The following SLC35E4 variants were observed in gnomAD, a reference collection of about 807,000 sequenced individuals.
SLC35E4 encodes solute carrier family 35, member E4.
SLC35E4 carries 15 observed loss-of-function variants against 19.3 expected under a neutral mutation model. That is an observed-to-expected ratio of 0.78 (90% CI 0.52 to 1.20). The LOEUF is 1.20. SLC35E4 is among the 50% of genes most tolerant of loss of function. SLC35E4 has a pLI of 0.00. For synonymous variants in SLC35E4, 219 were observed against 219.9 expected (o/e 1.00, Z 0.04); for missense variants, 406 against 472.3 (o/e 0.86, Z 1.30).
chr22:30,654,595 GT>G, intron 2 of SLC35E4: 1 of 464,934 alleles, frequency 2.2e-6, no homozygotes, highest in African/African-American at 2.0e-5. Context: ...CCCGGAAGTG[GT>G]GGGGGCCCAG....
rs149279944 is a variant in SLC35E4 at position 30,641,969 on chromosome 22, G to T, written c.620-4629G>T. On this transcript the variant is annotated intron_variant, in intron 1 of 1. Coordinates refer to ENST00000343605, the MANE Select transcript of SLC35E4 (RefSeq NM_001001479.4). Reference sequence around the variant, plus strand: ...CCCCACTAACAGAGATAGGAGCCCTGCAGAGATGGGGAGGAACAGACTTGA... The same window carrying T: ...CCCCACTAACAGAGATAGGAGCCCTTCAGAGATGGGGAGGAACAGACTTGA... Among the ~76,000 whole-genome samples, 393 of 152,190 alleles carry T rather than the reference G, an allele frequency of 2.6e-3. 2 individuals are homozygous for T. Among genetic ancestry groups the T allele is most frequent in the African/African-American group, 9.1e-3 (379 of 41,526 alleles).
At chr22:30,650,964 T>C (rs1403252929), downstream of SLC35E4, among the ~76,000 whole-genome samples, 1 of 150,952 alleles carries the variant, frequency 6.6e-6, no homozygotes, top group Non-Finnish European at 1.5e-5. Flanking sequence ...TACCCTCCCC[T>C]GGTGGCCCTT....
At chr22:30,666,656 A>T (rs1481068188), downstream of SLC35E4, among the ~76,000 whole-genome samples, 2 of 146,568 alleles carry the variant, frequency 1.4e-5, no homozygotes, top group Non-Finnish European at 3.0e-5. Flanking sequence ...AGCAATCTCT[A>T]TCAGGCACTG....
At position 30,636,739 on chromosome 22, in the gene SLC35E4, G is replaced by C. The variant is rs1263271708; in HGVS notation, c.289G>C (p.Gly97Arg). 2.5e-6 allele frequency: 4 copies of C among 1,611,916 alleles called. No individual in the cohort carries two copies. Among genetic ancestry groups the C allele is most frequent in the Non-Finnish European group, 3.4e-6 (4 of 1,179,348 alleles). ...MLVAALACHR[G>R]ARRPMPGGTR... ...GGTGGCAGCCCTGGCATGCCACCGG[G>C]GGGCACGGCGCCCCATGCCAGGCGG... Residue 97 changes from glycine (G) to arginine (R), a missense_variant, in exon 1 of 2, where the codon GGG (glycine) becomes CGG (arginine). By Grantham distance (125) the Gly-to-Arg change is moderately radical. Transcript: ENST00000343605.
intron 1 of SLC35E4, among the ~76,000 whole-genome samples, chr22:30,639,683 C>T (rs541534320): frequency 6.6e-6 from 1 of 152,316 alleles, no homozygotes; most frequent in South Asian, 2.1e-4. Flanking sequence ...CTCCCATTTG[C>T]TTTTGAAAGA....
chr22:30,638,032 C>G (rs1254180065), intron 1 of SLC35E4, among the ~76,000 whole-genome samples: 2 of 152,110 alleles, frequency 1.3e-5, no homozygotes, highest in Admixed American at 6.6e-5. Context: ...CCAACTTTAT[C>G]CCCATTTTAC....
chr22:30,656,327 G>A (rs527353268), intron 2 of SLC35E4, among the ~76,000 whole-genome samples: 15 of 152,204 alleles, frequency 9.9e-5, no homozygotes, highest in African/African-American at 3.1e-4. Flanking sequence ...AGGGCTGTGT[G>A]CTTCAAGGTC....
intron 1 of SLC35E4, among the ~76,000 whole-genome samples, chr22:30,645,091 A>G (rs2088106274): frequency 6.6e-6 from 1 of 152,160 alleles, no homozygotes; most frequent in South Asian, 2.1e-4. Context: ...GAGGCAATGA[A>G]TGGGTCACAC....
chr22:30,646,830 C>T lies in SLC35E4; in HGVS notation c.852C>T (p.Val284=), dbSNP rs1186059068. Residue 284 remains valine (V), a synonymous_variant, in exon 2 of 2, where the codon GTC becomes GTT. Transcript: ENST00000343605. ...SLLALTSALT[V]HVLGNLTVVG... is the part of the protein sequence containing the mutation. ...TGGCCCTCACCTCTGCCCTCACCGT[C>T]CACGTCCTGGGCAACCTCACCGTGG... is the stretch of plus-strand genomic sequence containing the variant. 2 of 1,614,150 alleles carry T rather than the reference C, an allele frequency of 1.2e-6. No homozygotes were observed. Among genetic ancestry groups the T allele is most frequent in the African/African-American group, 2.7e-5 (2 of 74,956 alleles).
intron 1 of SLC35E4, among the ~76,000 whole-genome samples, chr22:30,644,661 T>C (rs1391152227): frequency 6.6e-6 from 1 of 152,094 alleles, no homozygotes; most frequent in Non-Finnish European, 1.5e-5. Flanking sequence ...GGAGGATCGC[T>C]TGAGCTCGGA....
At chr22:30,650,673 T>C (rs530913207), downstream of SLC35E4, among the ~76,000 whole-genome samples, 2 of 152,224 alleles carry the variant, frequency 1.3e-5, no homozygotes, top group Admixed American at 6.5e-5. Context: ...GGAGCTGTAA[T>C]GGACAAAGGC....
chr22:30,662,716 C>G (rs2088513458), exon 3 of SLC35E4: 1 of 151,978 alleles, frequency 6.6e-6, no homozygotes, highest in South Asian at 2.1e-4. Context: ...GTAGTCCCAG[C>G]CACGCAGGAG....
At chr22:30,664,084 C>T (rs914731081), downstream of SLC35E4, 6 of 1,363,744 alleles carry the variant, frequency 4.4e-6, no homozygotes, top group Admixed American at 2.2e-5. Context: ...TGGAAAACTG[C>T]AGAGAGGGAG....
chr22:30,660,815 C>A (rs1192917704), intron 2 of SLC35E4, among the ~76,000 whole-genome samples: 2 of 151,722 alleles, frequency 1.3e-5, no homozygotes, highest in Admixed American at 6.6e-5. Flanking sequence ...TGAGAAAAAA[C>A]CATGGAGGCC....
chr22:30,641,974 G>C (rs1320134257), intron 1 of SLC35E4, among the ~76,000 whole-genome samples: 1 of 152,064 alleles, frequency 6.6e-6, no homozygotes, highest in East Asian at 1.9e-4. Flanking sequence ...GCCCTGCAGA[G>C]ATGGGGAGGA....
intron 2 of SLC35E4, among the ~76,000 whole-genome samples, chr22:30,653,709 G>C (rs1204535944): frequency 6.6e-6 from 1 of 151,792 alleles, no homozygotes; most frequent in Non-Finnish European, 1.5e-5. Context: ...CATCCCAGCT[G>C]TACCTGCTGC....
chr22:30,654,327 C>T (rs1400633930), intron 2 of SLC35E4: 2 of 462,976 alleles, frequency 4.3e-6, no homozygotes, highest in Non-Finnish European at 8.6e-6. Flanking sequence ...TCTTGGCCTT[C>T]TCCTTCCTCT....
chr22:30,665,560 GT>G, downstream of SLC35E4: 1 of 470,848 alleles, frequency 2.1e-6, no homozygotes, highest in Non-Finnish European at 4.4e-6. Context: ...CAACTTAAAG[GT>G]AACTGTTTTA....
rs544870134 is a variant in SLC35E4 at position 30,636,365 on chromosome 22, T to A, written c.-86T>A. 7.0e-7 allele frequency: 1 copy of A among 1,428,320 alleles called. No individual in the cohort carries two copies. The highest frequency in any genetic ancestry group is 1.5e-5 in the South Asian group (1 of 67,410). The allele number at this position is 1,428,320 out of a possible 1,614,324, so 88.5% of individuals were successfully genotyped here. A position where few individuals can be genotyped will look rare whatever the true frequency, so the allele number is the denominator to read the frequency against. ...GGACACGGGGTCGGAGGAACCAGGA[T>A]CTAGCCTGGCCCCAAGCGGAACTCT... On this transcript the variant is annotated 5_prime_UTR_variant, in exon 1 of 2. Coordinates refer to ENST00000343605, the MANE Select transcript of SLC35E4 (RefSeq NM_001001479.4).
Sources: gnomAD v4.1 joint callset for allele counts (sites outside exome capture counted in the v4.1 genomes callset) on GRCh38, gnomAD v4.1.1 for gene constraint, MANE v1.5 for transcripts, NCBI Gene and HGNC (gene_info 2026-07-23, HGNC 2026-07-21) for gene names.